Variants in HHAT observed in about 807,000 individuals in gnomAD.
HHAT encodes protein-cysteine N-palmitoyltransferase HHAT.
Under a neutral mutation model 70.8 loss-of-function variants are expected in HHAT, and 47 were observed. The observed-to-expected ratio is 0.66, with a 90% CI of 0.53 to 0.85. The LOEUF (loss-of-function observed/expected upper bound fraction) is 0.85, where lower values mean the gene tolerates loss of function less well. HHAT is among the 40% of genes least tolerant of loss of function. The probability of loss-of-function intolerance (pLI) is 0.00; values close to 1 mark genes in which losing one functional copy is unlikely to be tolerated. For synonymous variants in HHAT, 228 were observed against 247.6 expected, an observed-to-expected ratio of 0.92 and a Z score of 0.74; for missense variants, 609 against 604.8, an observed-to-expected ratio of 1.01 and a Z score of -0.07.
At chr1:210,551,741 TC>T (rs775791330) in intron 9 of HHAT, among the ~76,000 whole-genome samples, 4 of 152,220 alleles carry the variant, frequency 2.6e-5, no homozygotes, top group Non-Finnish European at 5.9e-5. Context: ...GATTATCAGC[TC>T]CCAGCCTGCT....
intron 8 of HHAT, among the ~76,000 whole-genome samples, chr1:210,499,370 C>T (rs183540527): frequency 6.6e-6 from 1 of 152,328 alleles, no homozygotes; most frequent in African/African-American, 2.4e-5. Flanking sequence ...GGTGTCATGG[C>T]TCACGCCTGT....
At chr1:210,478,927 A>G (rs1336636922) in intron 8 of HHAT, among the ~76,000 whole-genome samples, 1 of 152,072 alleles carries the variant, frequency 6.6e-6, no homozygotes, top group Non-Finnish European at 1.5e-5. Flanking sequence ...AGCATCTGGG[A>G]GAGGGTTTGC....
chr1:210,478,540 G>C (rs2094341697), intron 8 of HHAT, among the ~76,000 whole-genome samples: 1 of 152,186 alleles, frequency 6.6e-6, no homozygotes, highest in South Asian at 2.1e-4. Context: ...ATCTTTAGCA[G>C]CCTAAGGGTT....
At chr1:210,668,975 A>C (rs180819267) in intron 11 of HHAT, among the ~76,000 whole-genome samples, 6 of 152,086 alleles carry the variant, frequency 3.9e-5, no homozygotes, top group African/African-American at 1.2e-4. Flanking sequence ...GGGTTTCACT[A>C]TGTTGACCAG....
rs115005546 is a variant in HHAT at position 210,472,526 on chromosome 1, G to A, written c.1007+7871G>A. ...CTTGTGGGACAGGATCTGGAATTTC[G>A]GGGTACCTGAGAATGACTATGGCTT... On this transcript the variant is annotated intron_variant, in intron 8 of 11. Coordinates refer to ENST00000261458, the MANE Select transcript of HHAT (RefSeq NM_018194.6). 5.0e-3 allele frequency among the ~76,000 whole-genome samples: 759 copies of A among 152,232 alleles called. 9 individuals are homozygous for A. The highest frequency in any genetic ancestry group is 7.8e-3 in the Non-Finnish European group (530 of 68,000).
chr1:210,639,104 ATCTG>A (rs576312119), intron 11 of HHAT, among the ~76,000 whole-genome samples: 11 of 152,094 alleles, frequency 7.2e-5, no homozygotes, highest in Non-Finnish European at 1.3e-4. Flanking sequence ...TGCTCCGTCC[ATCTG>A]TCTATTTGTC....
chr1:210,515,592 C>T (rs2095040473), intron 9 of HHAT, among the ~76,000 whole-genome samples: 1 of 151,428 alleles, frequency 6.6e-6, no homozygotes, highest in Non-Finnish European at 1.5e-5. Context: ...CCTGTCTCTA[C>T]TAAAAATACA....
intron 7 of HHAT, among the ~76,000 whole-genome samples, chr1:210,455,460 C>T (rs1039739226): frequency 6.6e-6 from 1 of 152,076 alleles, no homozygotes; most frequent in Non-Finnish European, 1.5e-5. Flanking sequence ...TTGTTTCCTG[C>T]TTGAAATAAC....
intron 1 of HHAT, among the ~76,000 whole-genome samples, chr1:210,340,227 C>A (rs2085890139): frequency 9.5e-6 from 1 of 105,808 alleles, no homozygotes; most frequent in Non-Finnish European, 1.7e-5. Context: ...GGGGATAGAG[C>A]AAGACTCTGT....
intron 6 of HHAT, among the ~76,000 whole-genome samples, chr1:210,414,905 C>T (rs1482472188): frequency 1.3e-5 from 2 of 152,024 alleles, no homozygotes; most frequent in Non-Finnish European, 2.9e-5. Flanking sequence ...GTAATTCCAG[C>T]TACTTGGGAG....
intron 5 of HHAT, among the ~76,000 whole-genome samples, chr1:210,403,790 T>C (rs10863825): frequency 0.12 from 17,533 of 152,244 alleles, 1,300 homozygotes; most frequent in East Asian, 0.26. Flanking sequence ...CTCCCCGATA[T>C]TAACATTTTA....
intron 1 of HHAT, among the ~76,000 whole-genome samples, chr1:210,338,641 G>A (rs1273893421): frequency 6.6e-6 from 1 of 152,068 alleles, no homozygotes; most frequent in Non-Finnish European, 1.5e-5. Context: ...TTACAGATAA[G>A]GAAATTGAGG....
intron 7 of HHAT, 118 bp downstream of exon 7, chr1:210,418,443 T>C: frequency 1.2e-6 from 1 of 864,132 alleles, no homozygotes; most frequent in South Asian, 2.0e-5. Context: ...ACCCTCTTTA[T>C]TATTATTTTT....
chr1:210,524,794 C>G (rs988493839), intron 9 of HHAT, among the ~76,000 whole-genome samples: 2 of 152,090 alleles, frequency 1.3e-5, no homozygotes, highest in Non-Finnish European at 2.9e-5. Context: ...TCCTGCTACT[C>G]GGGGGTTTCT....
At chr1:210,529,358 G>A (rs1448495138) in intron 9 of HHAT, among the ~76,000 whole-genome samples, 1 of 151,578 alleles carries the variant, frequency 6.6e-6, no homozygotes, top group African/African-American at 2.4e-5. Context: ...TTGTTGTTAA[G>A]CTGATGTACA....
At chr1:210,615,489 A>G (rs919784212) in intron 10 of HHAT, among the ~76,000 whole-genome samples, 6 of 152,182 alleles carry the variant, frequency 3.9e-5, no homozygotes, top group Admixed American at 1.3e-4. Flanking sequence ...GAGGAGCTGC[A>G]TTCCTTTGAA....
At chr1:210,360,375 A>G (rs1292597157) in intron 2 of HHAT, among the ~76,000 whole-genome samples, 1 of 150,348 alleles carries the variant, frequency 6.7e-6, no homozygotes, top group Non-Finnish European at 1.5e-5. Flanking sequence ...CAATGGTATG[A>G]TCTAGGCTCA....
Position 210,674,626 on chromosome 1 carries a change from TCG to T in HHAT, c.*248_*249del, listed in dbSNP as rs762976944. The stretch of plus-strand genomic sequence containing the variant: ...TATTGAGGAAACGGGTCCAGGGCAG[TCG>T]TGTGTCTTACCCAGCTACACAGGGT... On this transcript the variant is annotated 3_prime_UTR_variant, in exon 12 of 12. Coordinates refer to ENST00000261458, the MANE Select transcript of HHAT (RefSeq NM_018194.6). 1 of 475,022 alleles carries T rather than the reference TCG, an allele frequency of 2.1e-6. No homozygotes were observed. Among genetic ancestry groups the T allele is most frequent in the Non-Finnish European group, 3.8e-6 (1 of 266,286 alleles). The allele number at this position is 475,022 out of a possible 1,614,324, so 29.4% of individuals were successfully genotyped here.
intron 10 of HHAT, among the ~76,000 whole-genome samples, chr1:210,592,596 T>C (rs113761625): frequency 6.6e-6 from 1 of 152,114 alleles, no homozygotes; most frequent in Admixed American, 6.6e-5. Context: ...TGATAGAGAT[T>C]GCATTGAATC....
Sources: allele counts gnomAD v4.1 joint callset (sites outside exome capture counted in the v4.1 genomes callset), GRCh38; gene constraint gnomAD v4.1.1; transcripts MANE v1.5; gene names NCBI Gene and HGNC (gene_info 2026-07-23, HGNC 2026-07-21).